The following PIEZO2 variants were observed in gnomAD, a reference collection of about 807,000 sequenced individuals.
The protein encoded by PIEZO2 is piezo type mechanosensitive ion channel component 2, also known as piezo-type mechanosensitive ion channel component 2.
PIEZO2 carries 172 observed loss-of-function variants against 337.3 expected under a neutral mutation model. The observed-to-expected ratio is 0.51, with a 90% confidence interval of 0.45 to 0.58. The LOEUF (loss-of-function observed/expected upper bound fraction) is 0.58. Among genes scored for constraint, PIEZO2 ranks in the 20% least tolerant of loss-of-function variants. The pLI is 0.00. For missense variants in PIEZO2, 3,028 were observed against 3,391.3 expected, an observed-to-expected ratio of 0.89 and a Z score of 2.66; for synonymous variants, 1,251 against 1,228.5, an observed-to-expected ratio of 1.02 and a Z score of -0.38.
chr18:10,766,846 G>A lies in PIEZO2; in HGVS notation c.2946+3302C>T, dbSNP rs187580790. 3.0e-4 allele frequency among the ~76,000 whole-genome samples: 45 copies of A among 152,324 alleles called. No homozygotes were observed. The highest frequency in any genetic ancestry group is 8.7e-4 in the African/African-American group (36 of 41,580). On this transcript the variant is annotated intron_variant, in intron 21 of 55. Transcript: ENST00000674853. This position sits in a 1 kb window ranked among gnomAD's most constrained non-coding sequence, Gnocchi z 6.1. ...TACACTAGCACCTAGCACCATGTAC[G>A]CATTCACTTTATTGTGAGTCCTTAA...
rs1249082738 is a variant in PIEZO2, at chr18:10,969,403, G to A, written c.286+10132C>T. 6.6e-6 allele frequency among the ~76,000 whole-genome samples: 1 copy of A among 152,082 alleles called. No homozygotes were observed. Among genetic ancestry groups the A allele is most frequent in the African/African-American group, 2.4e-5 (1 of 41,408 alleles). On this transcript the variant is annotated intron_variant, in intron 3 of 55. Transcript: ENST00000674853. The surrounding 1 kb of genome is among the most constrained non-coding windows in gnomAD (Gnocchi z 4.5). ...CATGGTGGGGAGCAGACGGGCGTGA[G>A]GATCATGACTCCCTGTTACTCATCT...
intron 1 of PIEZO2, among the ~76,000 whole-genome samples, chr18:11,074,961 T>C (rs902104737): frequency 6.6e-6 from 1 of 152,202 alleles, no homozygotes; most frequent in African/African-American, 2.4e-5. Context: ...CCTTTATCCC[T>C]TTAGCAAGGC....
At chr18:11,068,577 A>T (rs945269009) in intron 1 of PIEZO2, among the ~76,000 whole-genome samples, 1 of 151,306 alleles carries the variant, frequency 6.6e-6, no homozygotes, top group African/African-American at 2.4e-5. Flanking sequence ...ATGCTTACAT[A>T]AAAAAAAAGA....
Position 10,748,684 on chromosome 18 carries a change from AT to A in PIEZO2, c.4265-55del, listed in dbSNP as rs1169864654. On this transcript the variant is annotated intron_variant, in intron 29 of 55. Transcript: ENST00000674853. This position sits in a 1 kb window ranked among gnomAD's most constrained non-coding sequence, Gnocchi z 5.1. Reference sequence around the variant, plus strand: ...AAAATTAACATCCATTTTCATTGTAATTTTATAAAATCTGAGGTATGGTCAG... The same window carrying A: ...AAAATTAACATCCATTTTCATTGTAATTTATAAAATCTGAGGTATGGTCAG... 7 of 1,384,786 alleles carry A rather than the reference AT, an allele frequency of 5.1e-6. No individual in the cohort carries two copies. In the East Asian group the frequency reaches 1.6e-4, roughly 32 times the overall value. 85.8% of individuals were successfully genotyped at this position (1,384,786 alleles called of 1,614,324 possible). A position where few individuals can be genotyped will look rare whatever the true frequency, so the allele number is the denominator to read the frequency against.
chr18:10,780,466 T>C, intron 17 of PIEZO2, 100 bp from the exon 18 acceptor site: 1 of 683,878 alleles, frequency 1.5e-6, no homozygotes. Flanking sequence ...TGGACTCCCT[T>C]AAGCTTCCTA....
intron 49 of PIEZO2, among the ~76,000 whole-genome samples, chr18:10,687,446 A>C (rs896294528): frequency 6.6e-6 from 1 of 151,702 alleles, no homozygotes; most frequent in Non-Finnish European, 1.5e-5. Context: ...TTGGGTCACC[A>C]CTCTACTCTC....
chr18:10,689,293 C>T (rs932394685), intron 49 of PIEZO2, among the ~76,000 whole-genome samples: 32 of 152,168 alleles, frequency 2.1e-4, no homozygotes, highest in African/African-American at 7.2e-4. Flanking sequence ...AAAAGTGAGT[C>T]AGAAGTAAGC....
rs148478543 is a variant in PIEZO2, at chr18:10,899,915, G to A, written c.329+11271C>T. 4.6e-5 allele frequency among the ~76,000 whole-genome samples: 7 copies of A among 152,230 alleles called. 1 individual carries two copies. The highest frequency in any genetic ancestry group is 6.8e-3 in the Middle Eastern group (2 of 294). ...ATTGTCATTCATTAACTCGAAGACT[G>A]TTTATATTAGTCATAATGATCCAAT... is the stretch of plus-strand genomic sequence containing the variant. On this transcript the variant is annotated intron_variant, in intron 4 of 55. Transcript: ENST00000674853. This position sits in a 1 kb window ranked among gnomAD's most constrained non-coding sequence, Gnocchi z 4.6.
intron 4 of PIEZO2, among the ~76,000 whole-genome samples, chr18:10,910,111 T>C (rs1035976942): frequency 6.6e-6 from 1 of 152,218 alleles, no homozygotes; most frequent in Non-Finnish European, 1.5e-5. Context: ...GACAAACACA[T>C]TTTCAATATG....
chr18:10,703,401 T>G (rs751891836), intron 42 of PIEZO2, among the ~76,000 whole-genome samples: 89 of 152,256 alleles, frequency 5.8e-4, no homozygotes, highest in Admixed American at 4.6e-3. Context: ...TTTATTTTCC[T>G]TATGGAAATA....
At chr18:10,938,414 T>C (rs535291114) in intron 3 of PIEZO2, among the ~76,000 whole-genome samples, 270 of 152,320 alleles carry the variant, frequency 1.8e-3, no homozygotes, top group Non-Finnish European at 3.2e-3. Flanking sequence ...CAAACACCTA[T>C]TTTAGGCACT....
rs1160617230 is a variant in PIEZO2 at position 10,999,101 on chromosome 18, T to G, written c.161-19441A>C. On this transcript the variant is annotated intron_variant, in intron 2 of 55. Transcript: ENST00000674853. ...TTTTTGTAAACTAAGTTTGAAATTTTCCACTTAAGAAACAATCCACGCCAA... is the reference window on the plus strand; with the variant it reads ...TTTTTGTAAACTAAGTTTGAAATTTGCCACTTAAGAAACAATCCACGCCAA... Among the ~76,000 whole-genome samples, 3 of 151,708 alleles carry G rather than the reference T, an allele frequency of 2.0e-5. No individual in the cohort carries two copies. The East Asian group carries it at 5.8e-4, about 29-fold the overall frequency.
chr18:11,052,804 T>C (rs1164983948), intron 2 of PIEZO2, among the ~76,000 whole-genome samples: 1 of 152,250 alleles, frequency 6.6e-6, no homozygotes, highest in African/African-American at 2.4e-5. Flanking sequence ...CTATGTAACA[T>C]ACAGGTATGT....
At chr18:10,790,160 C>T (rs114379642) in intron 14 of PIEZO2, among the ~76,000 whole-genome samples, 1,529 of 152,212 alleles carry the variant, frequency 0.01, 31 homozygotes, top group African/African-American at 0.035. Flanking sequence ...CAGAGACATC[C>T]AAACTCATAC....
chr18:10,882,829 A>ATTT (rs1460893811), intron 4 of PIEZO2, among the ~76,000 whole-genome samples: 1 of 83,346 alleles, frequency 1.2e-5, no homozygotes, highest in African/African-American at 3.6e-5. Context: ...TATGTACCAC[A>ATTT]TTTTCTTTTT....
chr18:11,093,103 T>C (rs1039275020), intron 1 of PIEZO2, among the ~76,000 whole-genome samples: 5 of 152,170 alleles, frequency 3.3e-5, no homozygotes, highest in Non-Finnish European at 7.4e-5. Flanking sequence ...CAGTGATACA[T>C]TGGAAGAATA....
intron 43 of PIEZO2, among the ~76,000 whole-genome samples, chr18:10,700,623 A>G (rs2035291643): frequency 6.6e-6 from 1 of 152,180 alleles, no homozygotes; most frequent in Non-Finnish European, 1.5e-5. Context: ...TTTAAATGAT[A>G]CAAAAGAATG....
chr18:11,007,768 TA>T (rs1379732943), intron 2 of PIEZO2, among the ~76,000 whole-genome samples: 21 of 152,296 alleles, frequency 1.4e-4, no homozygotes, highest in African/African-American at 4.8e-4. Context: ...AAAACTTCTG[TA>T]TCTAGCAAAA....
chr18:10,968,134 G>A (rs886775317), intron 3 of PIEZO2, among the ~76,000 whole-genome samples: 27 of 152,202 alleles, frequency 1.8e-4, no homozygotes, highest in African/African-American at 6.3e-4. Flanking sequence ...TATAAGGTAA[G>A]AGATGAGAAT....
Sources: gnomAD v4.1 joint callset for allele counts (sites outside exome capture counted in the v4.1 genomes callset) on GRCh38, gnomAD v4.1.1 for gene constraint, Gnocchi (gnomAD v3.1) non-coding constraint, MANE v1.5 for transcripts, NCBI Gene and HGNC (gene_info 2026-07-23, HGNC 2026-07-21) for gene names.